The following UNC45A variants were observed in gnomAD, a reference collection of about 807,000 sequenced individuals.
UNC45A encodes the protein protein unc-45 homolog A.
In UNC45A, 78 loss-of-function variants were observed where a neutral mutation model predicts 103.2. The observed-to-expected ratio is 0.76, with a 90% CI of 0.63 to 0.91. UNC45A has a LOEUF of 0.91. Among genes scored for constraint, UNC45A ranks in the 40% least tolerant of loss-of-function variants. The pLI, the probability that UNC45A is intolerant of heterozygous loss-of-function variation, is 0.00. For missense variants in UNC45A, 1,193 were observed against 1,224.8 expected (o/e 0.97, Z 0.39); for synonymous variants, 495 against 504.6 (o/e 0.98, Z 0.25).
chr15:90,935,428 C>T, intron 1 of UNC45A, 53 bp downstream of exon 1: 3 of 1,582,346 alleles, frequency 1.9e-6, no homozygotes, highest in Non-Finnish European at 2.6e-6. Flanking sequence ...CTGACCATCC[C>T]TGGCCTCCTT....
At position 90,953,737 on chromosome 15, in the gene UNC45A, A is replaced by G. The variant is rs2151378431; in HGVS notation, c.*21A>G. The G allele has an allele frequency of 6.2e-7, 1 of 1,610,086 alleles. No homozygotes were observed. Among genetic ancestry groups the G allele is most frequent in the Non-Finnish European group, 8.5e-7 (1 of 1,177,748 alleles). On this transcript the variant is annotated 3_prime_UTR_variant, in exon 20 of 20. Coordinates refer to ENST00000418476, the MANE Select transcript of UNC45A (RefSeq NM_018671.5). Reference sequence around the variant, plus strand: ...AGTGAGGGGGTTGTCCCTGGGCCCAAGGCTCATGCACACGCTACCTATTGT... The same window carrying G: ...AGTGAGGGGGTTGTCCCTGGGCCCAGGGCTCATGCACACGCTACCTATTGT...
chr15:90,940,590 C>T, intron 6 of UNC45A, 117 bp downstream of exon 6: 1 of 1,319,764 alleles, frequency 7.6e-7, no homozygotes, highest in Non-Finnish European at 1.0e-6. Context: ...TCCATCCACT[C>T]TTCCACCCTC....
intron 6 of UNC45A, among the ~76,000 whole-genome samples, chr15:90,941,658 C>T (rs936891204): frequency 7.2e-5 from 11 of 152,044 alleles, no homozygotes; most frequent in Admixed American, 2.0e-4. Flanking sequence ...GGTTCTCCAG[C>T]TTAGAAACAG....
At chr15:90,951,167 C>T (rs1217123789) in intron 17 of UNC45A, among the ~76,000 whole-genome samples, 2 of 152,170 alleles carry the variant, frequency 1.3e-5, no homozygotes, top group African/African-American at 2.4e-5. Flanking sequence ...GCTACCGCGC[C>T]TGGCTAATTT....
chr15:90,947,567 C>G, intron 10 of UNC45A: 2 of 565,584 alleles, frequency 3.5e-6, no homozygotes, highest in Non-Finnish European at 6.4e-6. Flanking sequence ...GACTGTCCAG[C>G]GGCCAGCGCA....
rs761423987 is a variant in UNC45A at position 90,936,464 on chromosome 15, TGTGA to T, written c.426+9_426+12del. The T allele has an allele frequency of 1.9e-6, 3 of 1,613,716 alleles. No individual in the cohort carries two copies. The Admixed American group carries it at 5.0e-5, about 27-fold the overall frequency. On this transcript the variant is annotated splice_donor_5th_base_variant and intron_variant, in intron 4 of 19. Coordinates refer to ENST00000418476, the MANE Select transcript of UNC45A (RefSeq NM_018671.5). ...CGGGGGCCAGATTCAGGAGAAGGTA[TGTGA>T]GTGACCCAGAGAGGTGGAAGCATTG...
upstream of UNC45A, chr15:90,932,644 G>C (rs1395570792): frequency 5.0e-6 from 3 of 601,828 alleles, no homozygotes; most frequent in Non-Finnish European, 7.3e-6. Flanking sequence ...CTAATTCAGC[G>C]GGCCGAGTTG....
intron 4 of UNC45A, among the ~76,000 whole-genome samples, chr15:90,937,703 G>A (rs1028069930): frequency 2.0e-5 from 3 of 152,084 alleles, no homozygotes; most frequent in Non-Finnish European, 4.4e-5. Flanking sequence ...GGCCAGGATG[G>A]TCTGGAGCTC....
chr15:90,949,239 A>C, intron 13 of UNC45A, 77 bp from the exon 14 acceptor site: 1 of 1,532,848 alleles, frequency 6.5e-7, no homozygotes, highest in East Asian at 2.3e-5. Flanking sequence ...CCAGTTCCTC[A>C]ATTACTGCTG....
At chr15:90,950,785 C>T (rs760547175) in intron 17 of UNC45A, among the ~76,000 whole-genome samples, 170 bp downstream of exon 17, 6 of 152,210 alleles carry the variant, frequency 3.9e-5, no homozygotes, top group South Asian at 2.1e-4. Flanking sequence ...CAGCACGGCA[C>T]GGCAGACTCT....
At chr15:90,950,307 C>T (rs1269602275) in intron 16 of UNC45A, 40 bp downstream of exon 16, 3 of 1,544,998 alleles carry the variant, frequency 1.9e-6, no homozygotes, top group East Asian at 4.9e-5. Flanking sequence ...CTCCCTCTGT[C>T]CCTGATGGCC....
intron 14 of UNC45A, 47 bp from the exon 15 acceptor site, chr15:90,949,607 T>C: frequency 1.2e-6 from 2 of 1,611,778 alleles, no homozygotes. Flanking sequence ...AGCGTCTGCC[T>C]GCCAGAGTCC....
At chr15:90,942,798 G>A (rs959569105) in intron 7 of UNC45A, 114 bp from the exon 8 acceptor site, 1 of 1,493,618 alleles carries the variant, frequency 6.7e-7, no homozygotes, top group African/African-American at 1.4e-5. Flanking sequence ...TCAGTCTGGA[G>A]CCTGGGATGC....
At chr15:90,933,947 C>T (rs2035892773), upstream of UNC45A, 2 of 397,944 alleles carry the variant, frequency 5.0e-6, no homozygotes, top group Non-Finnish European at 8.9e-6. Flanking sequence ...GGCCTTGGGG[C>T]TTTGACTTTT....
upstream of UNC45A, chr15:90,931,659 C>A: frequency 6.2e-7 from 1 of 1,613,892 alleles, no homozygotes; most frequent in Non-Finnish European, 8.5e-7. Context: ...CTTCAGAAGG[C>A]GGCATCCCCC....
At chr15:90,936,531 C>T (rs767812572) in intron 4 of UNC45A, 71 bp downstream of exon 4, 16 of 1,523,770 alleles carry the variant, frequency 1.1e-5, no homozygotes, top group Non-Finnish European at 1.4e-5. Context: ...GGTGTAGACA[C>T]AGTTCTCCAG....
upstream of UNC45A, chr15:90,931,145 A>G: frequency 8.8e-7 from 1 of 1,140,866 alleles, no homozygotes; most frequent in Non-Finnish European, 1.2e-6. Context: ...GAAAAAATGC[A>G]AGTCTTTTTT....
rs142529257 is a variant in UNC45A at position 90,946,851 on chromosome 15, C to G, written c.1437C>G (p.Val479=). The change falls in exon 10 of 20, where the codon GTC becomes GTG. Residue 479 remains valine (V), a synonymous_variant. Transcript: ENST00000418476. The stretch of plus-strand genomic sequence containing the variant: ...CCTCATTCATCACTGCCAATGGTGT[C>G]TCGCTGCTGAAGGACCTATATAAGT... The part of the protein sequence containing the change: ...KRASFITANG[V]SLLKDLYKCS... 13 of 1,613,974 alleles carry G rather than the reference C, an allele frequency of 8.1e-6. No individual in the cohort carries two copies. The South Asian group carries it at 1.4e-4, about 18-fold the overall frequency.
In UNC45A at chr15:90,946,767, G is replaced by A. The variant is rs140117452; in HGVS notation, c.1353G>A (p.Glu451=). 3.9e-5 allele frequency: 63 copies of A among 1,614,204 alleles called. 2 individuals carry two copies. In the South Asian group the frequency reaches 6.3e-4, roughly 16 times the overall value. ...SVIALCASEQ[E]EEQLVAVEAL... Reference sequence around the variant, plus strand: ...TTGCTCTGTGTGCCTCTGAGCAGGAGGAGGAGCAGCTGGTGGCCGTGGAGG... The same window carrying A: ...TTGCTCTGTGTGCCTCTGAGCAGGAAGAGGAGCAGCTGGTGGCCGTGGAGG... Residue 451 remains glutamate, a synonymous_variant, in exon 10 of 20, where the codon GAG becomes GAA. Transcript: ENST00000418476.
Sources: gnomAD v4.1 joint callset for allele counts (sites outside exome capture counted in the v4.1 genomes callset) on GRCh38, gnomAD v4.1.1 for gene constraint, MANE v1.5 for transcripts, NCBI Gene and HGNC (gene_info 2026-07-23, HGNC 2026-07-21) for gene names.